Variants in TUBA1C observed in about 807,000 individuals in gnomAD.
TUBA1C encodes the protein tubulin alpha-1C chain.
Under a neutral mutation model 34.9 loss-of-function variants are expected in TUBA1C, and 16 were observed. The ratio of observed to expected loss-of-function variants is 0.46; its 90% CI spans 0.31 to 0.70. The LOEUF is 0.70. TUBA1C is among the 30% of genes least tolerant of loss of function. The probability of loss-of-function intolerance (pLI) is 0.05; values close to 1 mark genes in which losing one functional copy is unlikely to be tolerated. For synonymous variants in TUBA1C, 177 were observed against 215.9 expected (o/e 0.82, Z 1.58); for missense variants, 329 against 587.3 (o/e 0.56, Z 4.55).
chr12:49,255,021 G>A (rs1474142315), intron 1 of TUBA1C, among the ~76,000 whole-genome samples: 4 of 152,018 alleles, frequency 2.6e-5, no homozygotes, highest in Non-Finnish European at 4.4e-5. Context: ...CTGAGCTCAA[G>A]TGATCCTACC....
At chr12:49,241,666 CTTTT>C (rs1462922140) in intron 1 of TUBA1C, among the ~76,000 whole-genome samples, 1 of 142,184 alleles carries the variant, frequency 7.0e-6, no homozygotes, top group African/African-American at 2.5e-5. Context: ...TCCTTCCTTC[CTTTT>C]TTGAGAGTCT....
chr12:49,257,343 C>T (rs1206788078), intron 1 of TUBA1C, among the ~76,000 whole-genome samples: 9 of 151,940 alleles, frequency 5.9e-5, no homozygotes, highest in Non-Finnish European at 8.8e-5. Flanking sequence ...TAGTGTCTAC[C>T]TCATAGGATT....
chr12:49,231,697 T>TAGACAGAC (rs541221185), intron 1 of TUBA1C, among the ~76,000 whole-genome samples: 2 of 150,510 alleles, frequency 1.3e-5, no homozygotes, highest in East Asian at 3.9e-4. Flanking sequence ...GATAGATAGA[T>TAGACAGAC]AGACAGACAG....
intron 1 of TUBA1C, among the ~76,000 whole-genome samples, chr12:49,251,502 C>G (rs1207697170): frequency 2.0e-5 from 3 of 151,864 alleles, no homozygotes; most frequent in Non-Finnish European, 4.4e-5. Context: ...TAGGCTGGGC[C>G]TGGTGACTCA....
chr12:49,244,012 T>C (rs1405944264), intron 1 of TUBA1C, among the ~76,000 whole-genome samples: 1 of 151,890 alleles, frequency 6.6e-6, no homozygotes, highest in Non-Finnish European at 1.5e-5. Context: ...TACCTGGGTG[T>C]GGTGGCGGGC....
intron 1 of TUBA1C, among the ~76,000 whole-genome samples, chr12:49,243,278 C>G (rs900684421): frequency 1.3e-5 from 2 of 152,068 alleles, no homozygotes; most frequent in East Asian, 3.9e-4. Context: ...AAAACCCCAT[C>G]TCTACTAAAA....
intron 3 of TUBA1C, among the ~76,000 whole-genome samples, chr12:49,271,984 T>C (rs1175833300): frequency 6.6e-6 from 1 of 152,040 alleles, no homozygotes; most frequent in Non-Finnish European, 1.5e-5. Context: ...TTTTTTTTTT[T>C]TGGAGACAGG....
At chr12:49,242,959 A>G (rs1042550618) in intron 1 of TUBA1C, among the ~76,000 whole-genome samples, 2 of 152,052 alleles carry the variant, frequency 1.3e-5, no homozygotes, top group Non-Finnish European at 2.9e-5. Context: ...CGCATGCACC[A>G]CCACACCCAG....
intron 1 of TUBA1C, among the ~76,000 whole-genome samples, chr12:49,232,490 T>A (rs1013301339): frequency 6.6e-6 from 1 of 152,192 alleles, no homozygotes; most frequent in Non-Finnish European, 1.5e-5. Context: ...GTGGCACGCC[T>A]ATTCCTGATA....
At chr12:49,262,304 G>A (rs554669060), upstream of TUBA1C, among the ~76,000 whole-genome samples, 1 of 149,066 alleles carries the variant, frequency 6.7e-6, no homozygotes, top group African/African-American at 2.5e-5. Flanking sequence ...GTAGTCCCAG[G>A]TACTTGGGAG....
chr12:49,248,740 C>T (rs372976924), intron 1 of TUBA1C, among the ~76,000 whole-genome samples: 8 of 150,142 alleles, frequency 5.3e-5, no homozygotes, highest in South Asian at 2.1e-4. Flanking sequence ...TGGTGGCAGG[C>T]GCCTGTAGTC....
upstream of TUBA1C, among the ~76,000 whole-genome samples, chr12:49,261,321 T>G (rs1942838484): frequency 1.3e-5 from 2 of 152,224 alleles, no homozygotes; most frequent in African/African-American, 4.8e-5. Flanking sequence ...TAAATTTTTT[T>G]TCTTGTTACA....
intron 1 of TUBA1C, among the ~76,000 whole-genome samples, chr12:49,235,042 TC>T (rs1206840222): frequency 4.7e-5 from 7 of 150,394 alleles, no homozygotes; most frequent in Admixed American, 3.3e-4. Context: ...GGTCTCGAAT[TC>T]CTGTCCTCGT....
chr12:49,237,745 A>G (rs1236464489), intron 1 of TUBA1C, among the ~76,000 whole-genome samples: 4 of 150,882 alleles, frequency 2.7e-5, no homozygotes, highest in Non-Finnish European at 5.9e-5. Context: ...GTCAAAAAAA[A>G]AAAAGAGAGA....
At chr12:49,231,768 C>T (rs1041203342) in intron 1 of TUBA1C, among the ~76,000 whole-genome samples, 11 of 151,950 alleles carry the variant, frequency 7.2e-5, no homozygotes, top group African/African-American at 2.4e-4. Context: ...AGGCTGGTCT[C>T]GAACTCCTGG....
intron 1 of TUBA1C, among the ~76,000 whole-genome samples, chr12:49,236,564 A>G (rs1942557651): frequency 6.6e-6 from 1 of 152,208 alleles, no homozygotes; most frequent in Non-Finnish European, 1.5e-5. Flanking sequence ...AGCCTCACTG[A>G]TTATGTAGTC....
intron 1 of TUBA1C, among the ~76,000 whole-genome samples, chr12:49,243,254 T>C (rs1253105854): frequency 6.6e-6 from 1 of 152,084 alleles, no homozygotes; most frequent in African/African-American, 2.4e-5. Context: ...AAGACCAGCC[T>C]GGCCAACATG....
In TUBA1C at chr12:49,273,293, A is replaced by G. The variant is rs192742751; in HGVS notation, c.*66A>G. 411 of 1,611,882 alleles carry G rather than the reference A, an allele frequency of 2.5e-4. 1 individual carries two copies. The African/African-American group carries it at 4.7e-3, about 18-fold the overall frequency. ...TCTTATTTTTGTTCTGTAAATGTCT[A>G]TTGCCGTAAATTGTTAATAAAATTG... On this transcript the variant is annotated 3_prime_UTR_variant, in exon 4 of 4. Transcript: ENST00000301072.
upstream of TUBA1C, among the ~76,000 whole-genome samples, chr12:49,264,476 C>G (rs1201891678): frequency 1.3e-5 from 2 of 152,048 alleles, no homozygotes; most frequent in Non-Finnish European, 2.9e-5. Flanking sequence ...GCGAGGGGAG[C>G]GGGCGCCCGC....
Sources: allele counts gnomAD v4.1 joint callset (sites outside exome capture counted in the v4.1 genomes callset), GRCh38; gene constraint gnomAD v4.1.1; transcripts MANE v1.5; gene names NCBI Gene and HGNC (gene_info 2026-07-23, HGNC 2026-07-21).